Variants in MYEOV observed in about 807,000 individuals in gnomAD.
The protein encoded by MYEOV is myeloma-overexpressed gene protein.
In MYEOV, 4 loss-of-function variants were observed where a neutral mutation model predicts 4.5. The ratio of observed to expected loss-of-function variants is 0.89; its 90% confidence interval spans 0.44 to 2.03. MYEOV has a LOEUF of 2.03. Ranked by LOEUF, MYEOV falls within the 30% of genes most tolerant of loss-of-function variation. The probability of loss-of-function intolerance (pLI) is 0.03; values close to 1 mark genes in which losing one functional copy is unlikely to be tolerated. For missense variants in MYEOV, 408 were observed against 412.8 expected (o/e 0.99, Z 0.10); for synonymous variants, 184 against 170.3 (o/e 1.08, Z -0.63).
At position 69,295,298 on chromosome 11, in the gene MYEOV, C is replaced by T. The variant is rs1185406936; in HGVS notation, c.-57C>T. ...TCCAGCCACGTCATGCCACGCTTAA[C>T]ACCTCTAACAACTTCCCCTGGCACT... is the stretch of plus-strand genomic sequence containing the variant. On this transcript the variant is annotated 5_prime_UTR_variant, in exon 2 of 3. Transcript: ENST00000441339. This position sits in a 1 kb window ranked among gnomAD's most constrained non-coding sequence, Gnocchi z 4.1. 3 of 1,545,884 alleles carry T rather than the reference C, an allele frequency of 1.9e-6. No homozygotes were observed. Among genetic ancestry groups the T allele is most frequent in the Non-Finnish European group, 1.7e-6 (2 of 1,143,718 alleles).
chr11:69,296,532 C>T lies in MYEOV; in HGVS notation c.*140C>T. On this transcript the variant is annotated 3_prime_UTR_variant, in exon 3 of 3. Transcript: ENST00000441339. ...AGAAGCTCAACAAGTTGCCTAAGTT[C>T]CAAGTTTCCTCTCCCAACTCTCCTA... 1.8e-6 allele frequency: 1 copy of T among 567,778 alleles called. No homozygotes were observed. The highest frequency in any genetic ancestry group is 3.0e-6 in the Non-Finnish European group (1 of 338,266). 35.2% of individuals were successfully genotyped at this position (567,778 alleles called of 1,614,324 possible). A position where few individuals can be genotyped will look rare whatever the true frequency, so the allele number is the denominator to read the frequency against.
rs150586028 is a variant in MYEOV, at chr11:69,295,486, C to T, written c.132C>T (p.His44=). Residue 44 remains histidine (H), a synonymous_variant, in exon 2 of 3, where the codon CAC becomes CAT. Transcript: ENST00000441339. This position sits in a 1 kb window ranked among gnomAD's most constrained non-coding sequence, Gnocchi z 4.1. ...GTGGTGTGTCCTTCCTGACCTTCCA[C>T]CTCCACCAGGTGCCGACACTTCCCT... ...CLRGVSFLTF[H]LHQSVPLGDR... is the part of the protein sequence containing the mutation. The T allele has an allele frequency of 2.7e-4, 442 of 1,614,070 alleles. No individual in the cohort carries two copies. Among genetic ancestry groups the T allele is most frequent in the Non-Finnish European group, 3.6e-4 (428 of 1,180,030 alleles).
In MYEOV at chr11:69,295,213, A is replaced by G; in HGVS notation, c.-122-20A>G. 7.5e-7 allele frequency: 1 copy of G among 1,328,878 alleles called. No homozygotes were observed. Among genetic ancestry groups the G allele is most frequent in the South Asian group, 1.5e-5 (1 of 66,904 alleles). The allele number at this position is 1,328,878 out of a possible 1,614,324, so 82.3% of individuals were successfully genotyped here. A position where few individuals can be genotyped will look rare whatever the true frequency, so the allele number is the denominator to read the frequency against. ...CTTCCCGGGGTGGATTACGGATGGTAGTATCTTCCTTCTCCTCAGAGTCCA... is the reference window on the plus strand; with the variant it reads ...CTTCCCGGGGTGGATTACGGATGGTGGTATCTTCCTTCTCCTCAGAGTCCA... On this transcript the variant is annotated intron_variant, in intron 1 of 2. Transcript: ENST00000441339. This position sits in a 1 kb window ranked among gnomAD's most constrained non-coding sequence, Gnocchi z 4.1.
At position 69,296,140 on chromosome 11, in the gene MYEOV, A is replaced by T. The variant is rs1322442943; in HGVS notation, c.690A>T (p.Glu230Asp). The T allele has an allele frequency of 2.5e-6, 4 of 1,614,042 alleles. No individual in the cohort carries two copies. The highest frequency in any genetic ancestry group is 3.4e-6 in the Non-Finnish European group (4 of 1,180,012). ...CAGAATCGAGCTGCCCTGACTATGAAAGGGGAAGAAGAGCATGCCTGACCC... is the reference window on the plus strand; with the variant it reads ...CAGAATCGAGCTGCCCTGACTATGATAGGGGAAGAAGAGCATGCCTGACCC... ...TLAESSCPDY[E>D]RGRRACLTLH... The change falls in exon 3 of 3, where the codon GAA (glutamate) becomes GAT (aspartate). Residue 230 changes from glutamate to aspartate, a missense_variant. Transcript: ENST00000441339.
At position 69,296,057 on chromosome 11, in the gene MYEOV, C is replaced by T; in HGVS notation, c.607C>T (p.Leu203=). The change falls in exon 3 of 3, where the codon CTG becomes TTG. Residue 203 remains leucine, a synonymous_variant. Coordinates refer to ENST00000441339, the MANE Select transcript of MYEOV (RefSeq NM_001293291.2). ...TATGTGGGCGCGAATGGATGTGGCT[C>T]TGCGCTCACCTGGGCGAGGACTTCT... is the stretch of plus-strand genomic sequence containing the variant. ...EIMWARMDVA[L]RSPGRGLLAG... 6.2e-7 allele frequency: 1 copy of T among 1,614,146 alleles called. No homozygotes were observed. Among genetic ancestry groups the T allele is most frequent in the Non-Finnish European group, 8.5e-7 (1 of 1,180,030 alleles).
rs1855212241 is a variant in MYEOV, at chr11:69,296,757, G to A, written c.*365G>A. ...TTCAGCTCCAGCCGACTGGGGCATT[G>A]GTGGTAGCCCCTGGAGACATTGTGC... is the stretch of plus-strand genomic sequence containing the variant. On this transcript the variant is annotated 3_prime_UTR_variant, in exon 3 of 3. Coordinates refer to ENST00000441339, the MANE Select transcript of MYEOV (RefSeq NM_001293291.2). The A allele has an allele frequency of 4.4e-6, 1 of 228,752 alleles. No homozygotes were observed. Among genetic ancestry groups the A allele is most frequent in the African/African-American group, 2.3e-5 (1 of 44,022 alleles). 14.2% of individuals were successfully genotyped at this position (228,752 alleles called of 1,614,324 possible). A position where few individuals can be genotyped will look rare whatever the true frequency, so the allele number is the denominator to read the frequency against.
Position 69,295,407 on chromosome 11 carries a change from G to T in MYEOV, c.53G>T (p.Cys18Phe). 6.2e-7 allele frequency: 1 copy of T among 1,613,728 alleles called. No individual in the cohort carries two copies. Residue 18 changes from cysteine (C) to phenylalanine (F), a missense_variant, in exon 2 of 3, where the codon TGC (cysteine) becomes TTC (phenylalanine). Physicochemically the swap from Cys to Phe is radical, Grantham distance 205. Transcript: ENST00000441339. This position sits in a 1 kb window ranked among gnomAD's most constrained non-coding sequence, Gnocchi z 4.1. ...TYTPALPIGLCTRCCLCLEQS... is the reference protein window; with the variant it reads ...TYTPALPIGLFTRCCLCLEQS... ...ACCCCAGCTCTCCCGATAGGTCTCTGCACTCGCTGTTGCCTCTGCCTGGAA... is the reference window on the plus strand; with the variant it reads ...ACCCCAGCTCTCCCGATAGGTCTCTTCACTCGCTGTTGCCTCTGCCTGGAA...
Position 69,296,001 on chromosome 11 carries a change from T to A in MYEOV, c.551T>A (p.Val184Glu), listed in dbSNP as rs761792661. The A allele has an allele frequency of 6.2e-7, 1 of 1,613,928 alleles. No homozygotes were observed. The highest frequency in any genetic ancestry group is 2.2e-5 in the East Asian group (1 of 44,852). Residue 184 changes from valine (V) to glutamate (E), a missense_variant, in exon 3 of 3, where the codon GTG becomes GAG. Transcript: ENST00000441339. ...EQAISSCPEE[V>E]HGRHGLSMEI... is the part of the protein sequence containing the mutation. Reference sequence around the variant, plus strand: ...GCCATTAGCTCGTGCCCTGAGGAGGTGCATGGGCGGCATGGGCTCTCCATG... The same window carrying A: ...GCCATTAGCTCGTGCCCTGAGGAGGAGCATGGGCGGCATGGGCTCTCCATG...
In MYEOV at chr11:69,295,507, T is replaced by C. The variant is rs202131913; in HGVS notation, c.141+12T>C. The C allele has an allele frequency of 1.2e-6, 2 of 1,614,046 alleles. No homozygotes were observed. Among genetic ancestry groups the C allele is most frequent in the Admixed American group, 1.7e-5 (1 of 60,026 alleles). On this transcript the variant is annotated intron_variant, in intron 2 of 2. Transcript: ENST00000441339. The surrounding 1 kb of genome is among the most constrained non-coding windows in gnomAD (Gnocchi z 4.1). ...TCCACCTCCACCAGGTGCCGACACTTCCCTGACCCCAGTAACCTCTTCTCT... is the reference window on the plus strand; with the variant it reads ...TCCACCTCCACCAGGTGCCGACACTCCCCTGACCCCAGTAACCTCTTCTCT...
In MYEOV at chr11:69,295,875, G is replaced by T. The variant is rs543856638; in HGVS notation, c.425G>T (p.Gly142Val). ...RARRVTDAPQ[G>V]TLCGTGNRNS... ...AGGAGGGTCACAGATGCACCACAAG[G>T]CACTCTGTGTGGCACTGGGAACAGG... is the stretch of plus-strand genomic sequence containing the variant. The change falls in exon 3 of 3, where the codon GGC becomes GTC. Residue 142 changes from glycine (G) to valine (V), a missense_variant. By Grantham distance (109) the Gly-to-Val change is moderately radical. Transcript: ENST00000441339. This position sits in a 1 kb window ranked among gnomAD's most constrained non-coding sequence, Gnocchi z 4.1. 7 of 1,614,204 alleles carry T rather than the reference G, an allele frequency of 4.3e-6. No individual in the cohort carries two copies. In the South Asian group the frequency reaches 4.4e-5, roughly 10 times the overall value.
rs1378786569 is a variant in MYEOV at position 69,295,058 on chromosome 11, C to G, written c.-122-175C>G. On this transcript the variant is annotated intron_variant, in intron 1 of 2. Transcript: ENST00000441339. The surrounding 1 kb of genome is among the most constrained non-coding windows in gnomAD (Gnocchi z 4.1). ...CCCAGAGATGGGGAGGCTGGGGCCA[C>G]CCGGTGGATTTGGGCAGGTCCCAGC... Among the ~76,000 whole-genome samples, 7 of 152,172 alleles carry G rather than the reference C, an allele frequency of 4.6e-5. No homozygotes were observed. Among genetic ancestry groups the G allele is most frequent in the Non-Finnish European group, 1.0e-4 (7 of 68,026 alleles).
chr11:69,296,685 C>A lies in MYEOV; in HGVS notation c.*293C>A. ...TGGGAAAATCATGATAACCCAGCTC[C>A]TTCTGGTCATTTTCTCAGCTGGTTA... On this transcript the variant is annotated 3_prime_UTR_variant, in exon 3 of 3. Transcript: ENST00000441339. 2.8e-6 allele frequency: 1 copy of A among 353,382 alleles called. No homozygotes were observed. Among genetic ancestry groups the A allele is most frequent in the Admixed American group, 4.2e-5 (1 of 23,832 alleles). 21.9% of individuals were successfully genotyped at this position (353,382 alleles called of 1,614,324 possible).
Position 69,295,726 on chromosome 11 carries a change from A to G in MYEOV, c.276A>G (p.Gly92=). 6.2e-7 allele frequency: 1 copy of G among 1,613,888 alleles called. No homozygotes were observed. Among genetic ancestry groups the G allele is most frequent in the Non-Finnish European group, 8.5e-7 (1 of 1,179,986 alleles). ...AGGCCCTGCGTGTTGCGGTGAGAGG[A>G]GCATTTGTGTCTCTGTGGTTTGCTG... is the stretch of plus-strand genomic sequence containing the variant. ...LSQALRVAVR[G]AFVSLWFAAG... The change falls in exon 3 of 3, where the codon GGA becomes GGG. Residue 92 remains glycine, a synonymous_variant. Transcript: ENST00000441339. This position sits in a 1 kb window ranked among gnomAD's most constrained non-coding sequence, Gnocchi z 4.1.
rs769002382 is a variant in MYEOV at position 69,295,800 on chromosome 11, C to T, written c.350C>T (p.Thr117Ile). The T allele has an allele frequency of 6.2e-7, 1 of 1,614,148 alleles. No homozygotes were observed. Among genetic ancestry groups the T allele is most frequent in the Admixed American group, 1.7e-5 (1 of 60,020 alleles). The change falls in exon 3 of 3, where the codon ACA (threonine) becomes ATA (isoleucine). Residue 117 changes from threonine (T) to isoleucine (I), a missense_variant. Transcript: ENST00000441339. This position sits in a 1 kb window ranked among gnomAD's most constrained non-coding sequence, Gnocchi z 4.1. ...ERNKGDKGAQ[T>I]GAGLSQEAED... is the part of the protein sequence containing the mutation. ...AACAAGGGAGACAAGGGTGCCCAGA[C>T]AGGTGCGGGGCTCAGCCAGGAGGCA...
Position 69,295,461 on chromosome 11 carries a change from G to T in MYEOV, c.107G>T (p.Arg36Leu). The T allele has an allele frequency of 9.3e-6, 15 of 1,614,136 alleles. No individual in the cohort carries two copies. The highest frequency in any genetic ancestry group is 1.3e-5 in the Non-Finnish European group (15 of 1,180,016). ...EQSPSWCHCL[R>L]GVSFLTFHLH... ...TCTCCCTCCTGGTGTCATTGTCTCC[G>T]TGGTGTGTCCTTCCTGACCTTCCAC... is the stretch of plus-strand genomic sequence containing the variant. The change falls in exon 2 of 3, where the codon CGT (arginine) becomes CTT (leucine). Residue 36 changes from arginine (R) to leucine (L), a missense_variant. By Grantham distance (102) the Arg-to-Leu change is moderately radical. Transcript: ENST00000441339. This position sits in a 1 kb window ranked among gnomAD's most constrained non-coding sequence, Gnocchi z 4.1.
At position 69,295,364 on chromosome 11, in the gene MYEOV, A is replaced by G. The variant is rs760346760; in HGVS notation, c.10A>G (p.Arg4Gly). The G allele has an allele frequency of 6.2e-7, 1 of 1,605,518 alleles. No homozygotes were observed. The highest frequency in any genetic ancestry group is 8.5e-7 in the Non-Finnish European group (1 of 1,175,850). MAL[R>G]ICVTYTPALP... ...CTCCTTCCCTCGGCTCATGGCCCTC[A>G]GAATCTGCGTCACATACACCCCAGC... Residue 4 changes from arginine (R) to glycine (G), a missense_variant, in exon 2 of 3, where the codon AGA (arginine) becomes GGA (glycine). By Grantham distance (125) the Arg-to-Gly change is moderately radical (BLOSUM62 -2). Coordinates refer to ENST00000441339, the MANE Select transcript of MYEOV (RefSeq NM_001293291.2). The surrounding 1 kb of genome is among the most constrained non-coding windows in gnomAD (Gnocchi z 4.1).
In MYEOV at chr11:69,296,099, C is replaced by T. The variant is rs779692004; in HGVS notation, c.649C>T (p.Leu217Phe). Reference sequence around the variant, plus strand: ...AGGACTTCTGGCCGGTGCCGGGGCACTCTGCATGACCCTGGCAGAATCGAG... The same window carrying T: ...AGGACTTCTGGCCGGTGCCGGGGCATTCTGCATGACCCTGGCAGAATCGAG... ...GRGLLAGAGA[L>F]CMTLAESSCP... is the part of the protein sequence containing the mutation. The change falls in exon 3 of 3, where the codon CTC becomes TTC. Residue 217 changes from leucine to phenylalanine, a missense_variant. Coordinates refer to ENST00000441339, the MANE Select transcript of MYEOV (RefSeq NM_001293291.2). The T allele has an allele frequency of 1.2e-6, 2 of 1,614,138 alleles. No homozygotes were observed. Among genetic ancestry groups the T allele is most frequent in the Non-Finnish European group, 1.7e-6 (2 of 1,180,026 alleles).
Position 69,296,052 on chromosome 11 carries a change from T to TGA in MYEOV, c.603_604insAG (p.Ala202ArgfsTer19), listed in dbSNP as rs774206756. The TGA allele has an allele frequency of 6.2e-6, 10 of 1,614,038 alleles. No homozygotes were observed. In the South Asian group the frequency reaches 1.1e-4, roughly 18 times the overall value. ...GAAATTATGTGGGCGCGAATGGATGTGGCTCTGCGCTCACCTGGGCGAGGA... is the reference window on the plus strand; with the variant it reads ...GAAATTATGTGGGCGCGAATGGATGTGAGGCTCTGCGCTCACCTGGGCGAGGA... On this transcript the variant is annotated frameshift_variant, in exon 3 of 3. Coordinates refer to ENST00000441339, the MANE Select transcript of MYEOV (RefSeq NM_001293291.2).
Position 69,296,529 on chromosome 11 carries a change from G to T in MYEOV, c.*137G>T. The stretch of plus-strand genomic sequence containing the variant: ...TAGAGAAGCTCAACAAGTTGCCTAA[G>T]TTCCAAGTTTCCTCTCCCAACTCTC... On this transcript the variant is annotated 3_prime_UTR_variant, in exon 3 of 3. Transcript: ENST00000441339. 1 of 580,310 alleles carries T rather than the reference G, an allele frequency of 1.7e-6. No homozygotes were observed. Among genetic ancestry groups the T allele is most frequent in the East Asian group, 3.0e-5 (1 of 33,408 alleles). 35.9% of individuals were successfully genotyped at this position (580,310 alleles called of 1,614,324 possible). A position where few individuals can be genotyped will look rare whatever the true frequency, so the allele number is the denominator to read the frequency against.
Sources: gnomAD v4.1 joint callset for allele counts (sites outside exome capture counted in the v4.1 genomes callset) on GRCh38, gnomAD v4.1.1 for gene constraint, Gnocchi (gnomAD v3.1) non-coding constraint, MANE v1.5 for transcripts, NCBI Gene and HGNC (gene_info 2026-07-23, HGNC 2026-07-21) for gene names.